OPCML: variants seen among roughly 807,000 people sequenced by gnomAD.
OPCML encodes the protein opioid-binding protein/cell adhesion molecule.
A neutral mutation model predicts 37.8 loss-of-function variants in OPCML; 13 were observed. That is an observed-to-expected ratio of 0.34 (90% CI 0.22 to 0.55). The LOEUF (loss-of-function observed/expected upper bound fraction) is 0.55, where lower values mean the gene tolerates loss of function less well. OPCML is among the 20% of genes least tolerant of loss of function. OPCML has a pLI of 0.91. For missense variants in OPCML, 341 were observed against 435.6 expected, an observed-to-expected ratio of 0.78 and a Z score of 1.93; for synonymous variants, 176 against 168.8, an observed-to-expected ratio of 1.04 and a Z score of -0.33.
chr11:133,511,732 C>T (rs1392649388), intron 1 of OPCML, among the ~76,000 whole-genome samples: 2 of 151,306 alleles, frequency 1.3e-5, no homozygotes, highest in Non-Finnish European at 2.9e-5. Flanking sequence ...CATATTTCTT[C>T]AGTTGTTCTA....
rs553617547 is a variant in OPCML at position 133,161,985 on chromosome 11, C to CTTTT, written c.62-218979_62-218976dup. 3.4e-3 allele frequency among the ~76,000 whole-genome samples: 290 copies of CTTTT among 85,460 alleles called. 16 individuals are homozygous for CTTTT. The highest frequency in any genetic ancestry group is 9.8e-3 in the African/African-American group (210 of 21,538). The allele number at this position is 85,460 out of a possible 152,430, so 56.1% of individuals were successfully genotyped here. A position where few individuals can be genotyped will look rare whatever the true frequency, so the allele number is the denominator to read the frequency against. ...AACAGGTAAGAGAGGCAGTCTCTGT[C>CTTTT]TTTTTTTTTTTTTTTTTTTTTTTTT... On this transcript the variant is annotated intron_variant, in intron 1 of 7. Coordinates refer to ENST00000524381, the MANE Select transcript of OPCML (RefSeq NM_001012393.5).
At chr11:132,941,221 T>C (rs1945566265) in intron 2 of OPCML, among the ~76,000 whole-genome samples, 1 of 152,182 alleles carries the variant, frequency 6.6e-6, no homozygotes, top group African/African-American at 2.4e-5. Flanking sequence ...AATTGGTAGA[T>C]GGAAGCTGGC....
chr11:132,701,904 C>A (rs371534199), intron 2 of OPCML, among the ~76,000 whole-genome samples: 2 of 151,796 alleles, frequency 1.3e-5, no homozygotes, highest in East Asian at 3.9e-4. Context: ...TAGTTATAAC[C>A]GTCTACTTTA....
chr11:132,477,125 C>T (rs1401974812), intron 4 of OPCML, among the ~76,000 whole-genome samples: 1 of 152,092 alleles, frequency 6.6e-6, no homozygotes. Flanking sequence ...GGTTGGAGAC[C>T]ACAGATAACA....
At chr11:132,473,260 T>C (rs938209600) in intron 4 of OPCML, among the ~76,000 whole-genome samples, 3 of 152,102 alleles carry the variant, frequency 2.0e-5, no homozygotes, top group Admixed American at 6.5e-5. Flanking sequence ...TGAAAATTCA[T>C]GAAAAGGAAG....
chr11:133,171,423 A>G (rs930782066), intron 1 of OPCML, among the ~76,000 whole-genome samples: 3 of 152,234 alleles, frequency 2.0e-5, no homozygotes, highest in African/African-American at 7.2e-5. Flanking sequence ...GTGCCACATC[A>G]GTCCCCTCTC....
At chr11:133,002,669 G>A (rs114262685) in intron 1 of OPCML, among the ~76,000 whole-genome samples, 3,032 of 151,808 alleles carry the variant, frequency 0.02, 90 homozygotes, top group African/African-American at 0.069. Flanking sequence ...ACCTTTAAGT[G>A]GAATTTTTTC....
chr11:133,039,567 G>A (rs533305382), intron 1 of OPCML, among the ~76,000 whole-genome samples: 36 of 152,102 alleles, frequency 2.4e-4, no homozygotes, highest in Non-Finnish European at 4.7e-4. Context: ...GGGGGTGGAT[G>A]GTGCTTGCAT....
chr11:133,155,395 A>C (rs978589629), intron 1 of OPCML, among the ~76,000 whole-genome samples: 1 of 152,092 alleles, frequency 6.6e-6, no homozygotes, highest in African/African-American at 2.4e-5. Flanking sequence ...ATCATTTTTC[A>C]CCACCCGTCT....
chr11:133,042,966 T>C (rs763564196), intron 1 of OPCML, among the ~76,000 whole-genome samples: 1 of 152,060 alleles, frequency 6.6e-6, no homozygotes, highest in Non-Finnish European at 1.5e-5. Flanking sequence ...CACGTACAGT[T>C]CCACACTGAA....
At chr11:132,566,362 T>C (rs2096423189) in intron 3 of OPCML, among the ~76,000 whole-genome samples, 1 of 152,226 alleles carries the variant, frequency 6.6e-6, no homozygotes, top group South Asian at 2.1e-4. Flanking sequence ...GGAAGACATC[T>C]GGATACTTAC....
chr11:132,574,790 G>A (rs1591572355), intron 3 of OPCML, among the ~76,000 whole-genome samples: 1 of 151,896 alleles, frequency 6.6e-6, no homozygotes, highest in East Asian at 1.9e-4. Flanking sequence ...GGCCTGTGGT[G>A]TTAAGTCCTT....
intron 3 of OPCML, among the ~76,000 whole-genome samples, chr11:132,570,967 G>A (rs1374919572): frequency 6.6e-6 from 1 of 151,382 alleles, no homozygotes; most frequent in African/African-American, 2.4e-5. Context: ...TGAGGGTGTT[G>A]CCAGGGGAGA....
chr11:133,103,812 C>T (rs959016746), intron 1 of OPCML, among the ~76,000 whole-genome samples: 2 of 152,142 alleles, frequency 1.3e-5, no homozygotes, highest in Non-Finnish European at 2.9e-5. Context: ...AATGTTCAAT[C>T]GAGGTAGTTG....
intron 1 of OPCML, among the ~76,000 whole-genome samples, chr11:133,161,300 G>C (rs1278340460): frequency 6.6e-6 from 1 of 152,190 alleles, no homozygotes; most frequent in Non-Finnish European, 1.5e-5. Flanking sequence ...ATATCGAGTG[G>C]CATGAGTGTT....
chr11:133,209,317 A>G (rs1276826063), intron 1 of OPCML, among the ~76,000 whole-genome samples: 1 of 152,210 alleles, frequency 6.6e-6, no homozygotes, highest in Non-Finnish European at 1.5e-5. Flanking sequence ...AGATTATAGA[A>G]CCAGACAAGT....
At chr11:133,160,669 A>G (rs1354808466) in intron 1 of OPCML, among the ~76,000 whole-genome samples, 1 of 152,118 alleles carries the variant, frequency 6.6e-6, no homozygotes, top group Non-Finnish European at 1.5e-5. Flanking sequence ...CTGTTCTGCA[A>G]CGCTGCTCTG....
intron 2 of OPCML, among the ~76,000 whole-genome samples, chr11:132,862,341 T>C (rs954086401): frequency 9.9e-5 from 15 of 152,250 alleles, no homozygotes; most frequent in Non-Finnish European, 2.1e-4. Context: ...TGTTTCCAAT[T>C]TGACTTCGTT....
chr11:132,888,391 T>C (rs545012060), intron 2 of OPCML, among the ~76,000 whole-genome samples: 23 of 152,210 alleles, frequency 1.5e-4, no homozygotes, highest in African/African-American at 5.5e-4. Context: ...GTGTGACAAA[T>C]TGAAGGAAGC....
Sources: gnomAD v4.1 joint callset for allele counts (sites outside exome capture counted in the v4.1 genomes callset) on GRCh38, gnomAD v4.1.1 for gene constraint, MANE v1.5 for transcripts, NCBI Gene and HGNC (gene_info 2026-07-23, HGNC 2026-07-21) for gene names.